Variants in B3GAT2 observed in about 807,000 individuals in gnomAD.
B3GAT2 encodes beta-1,3-glucuronyltransferase 2, also known as galactosylgalactosylxylosylprotein 3-beta-glucuronosyltransferase 2.
B3GAT2 carries 26 observed loss-of-function variants against 27.8 expected under a neutral mutation model. The ratio of observed to expected loss-of-function variants is 0.93; its 90% CI spans 0.68 to 1.30. The LOEUF (loss-of-function observed/expected upper bound fraction) is 1.30. B3GAT2 is among the 50% of genes most tolerant of loss of function. The pLI is 0.00. For synonymous variants in B3GAT2, 218 were observed against 195.1 expected (o/e 1.12, Z -0.98); for missense variants, 458 against 459.0 (o/e 1.00, Z 0.02).
In B3GAT2 at chr6:70,956,420, C is replaced by T. The variant is rs1002214080; in HGVS notation, c.10G>A (p.Ala4Thr). 3.2e-6 allele frequency: 5 copies of T among 1,551,290 alleles called. No individual in the cohort carries two copies. Among genetic ancestry groups the T allele is most frequent in the Admixed American group, 2.0e-5 (1 of 50,992 alleles). ...AGGATAAAGAAGCGGGTGAAAAGCG[C>T]GGACTTCATGGTGCACGCTCCCTGG... is the stretch of plus-strand genomic sequence containing the variant. MKS[A>T]LFTRFFILLP... The change falls in exon 1 of 4, where the codon GCG (alanine) becomes ACG (threonine). Residue 4 changes from alanine to threonine, a missense_variant. Physicochemically the swap from Ala to Thr is moderately conservative, Grantham distance 58 (BLOSUM62 0). Coordinates refer to ENST00000230053, the MANE Select transcript of B3GAT2 (RefSeq NM_080742.3).
chr6:70,952,419 T>A (rs1473671523), intron 1 of B3GAT2, among the ~76,000 whole-genome samples: 1 of 152,226 alleles, frequency 6.6e-6, no homozygotes, highest in African/African-American at 2.4e-5. Flanking sequence ...CTGAAAAGCA[T>A]CTGTTTTAAA....
chr6:70,870,648 A>C (rs551226309), intron 2 of B3GAT2, among the ~76,000 whole-genome samples: 12 of 152,274 alleles, frequency 7.9e-5, no homozygotes, highest in African/African-American at 2.9e-4. Context: ...ACAAACAAAC[A>C]AACAAAAAAA....
chr6:70,936,437 C>A (rs1466238651), intron 1 of B3GAT2, among the ~76,000 whole-genome samples: 1 of 152,048 alleles, frequency 6.6e-6, no homozygotes, highest in Non-Finnish European at 1.5e-5. Context: ...CACCCCAAAT[C>A]AACAGAAAAT....
At chr6:70,902,637 T>TATATATAC (rs1491331231) in intron 1 of B3GAT2, among the ~76,000 whole-genome samples, 109 of 133,458 alleles carry the variant, frequency 8.2e-4, no homozygotes, top group Middle Eastern at 3.8e-3. Context: ...TATATATATA[T>TATATATAC]ACACACACAC....
In B3GAT2 at chr6:70,857,034, A is replaced by G; in HGVS notation, c.*4629T>C. ...ATTCAACAGCAAAGTACTCCTGGTAATGAATTTTGATATCTGCTTTCAGTG... is the reference window on the plus strand; with the variant it reads ...ATTCAACAGCAAAGTACTCCTGGTAGTGAATTTTGATATCTGCTTTCAGTG... On this transcript the variant is annotated 3_prime_UTR_variant, in exon 4 of 4. Transcript: ENST00000230053. 1 of 1,595,442 alleles carries G rather than the reference A, an allele frequency of 6.3e-7. No homozygotes were observed.
At chr6:70,936,064 C>T (rs1015941619) in intron 1 of B3GAT2, among the ~76,000 whole-genome samples, 5 of 151,256 alleles carry the variant, frequency 3.3e-5, no homozygotes, top group Non-Finnish European at 7.4e-5. Context: ...GAAGATCTAC[C>T]AAGCAAATGG....
chr6:70,888,219 A>G (rs1248137915), intron 2 of B3GAT2, among the ~76,000 whole-genome samples: 1 of 145,270 alleles, frequency 6.9e-6, no homozygotes, highest in Non-Finnish European at 1.5e-5. Context: ...CAGTCAGGTG[A>G]TGTGATTTTT....
intron 1 of B3GAT2, among the ~76,000 whole-genome samples, chr6:70,927,180 T>C (rs1392870150): frequency 6.6e-6 from 1 of 152,118 alleles, no homozygotes; most frequent in Non-Finnish European, 1.5e-5. Context: ...AAGGAAGAAC[T>C]AAACATGGAA....
intron 1 of B3GAT2, among the ~76,000 whole-genome samples, chr6:70,905,885 CTG>C (rs36123503): frequency 0.71 from 106,470 of 150,656 alleles, 37,684 homozygotes; most frequent in Middle Eastern, 0.76. Context: ...TCTCCTGGCA[CTG>C]TGTGTGTGTG....
At chr6:70,869,670 T>C (rs954462302) in intron 2 of B3GAT2, among the ~76,000 whole-genome samples, 1 of 152,240 alleles carries the variant, frequency 6.6e-6, no homozygotes, top group Admixed American at 6.5e-5. Flanking sequence ...GTGAATGAAA[T>C]TTTCTTAGTT....
chr6:70,942,286 C>T (rs1324050803), intron 1 of B3GAT2, among the ~76,000 whole-genome samples: 1 of 152,190 alleles, frequency 6.6e-6, no homozygotes, highest in Non-Finnish European at 1.5e-5. Flanking sequence ...TACAGGACAG[C>T]TTCTCTCAAA....
intron 1 of B3GAT2, among the ~76,000 whole-genome samples, chr6:70,905,101 T>C (rs1213489036): frequency 6.6e-6 from 1 of 152,016 alleles, no homozygotes; most frequent in Non-Finnish European, 1.5e-5. Context: ...TGTGAACTTA[T>C]CATAGCCAAA....
rs372158787 is a variant in B3GAT2, at chr6:70,956,155, G to C, written c.275C>G (p.Pro92Arg). 8 of 1,607,396 alleles carry C rather than the reference G, an allele frequency of 5.0e-6. No individual in the cohort carries two copies. The East Asian group carries it at 8.9e-5, about 18-fold the overall frequency. ...IYAITPTYSR[P>R]VQKAELTRLA... ...GCGGGTCAGCTCCGCTTTCTGCACC[G>C]GGCGGCTGTAGGTGGGCGTGATGGC... The change falls in exon 1 of 4, where the codon CCG becomes CGG. Residue 92 changes from proline to arginine, a missense_variant. By Grantham distance (103) the Pro-to-Arg change is moderately radical. Transcript: ENST00000230053.
intron 1 of B3GAT2, among the ~76,000 whole-genome samples, chr6:70,928,251 AC>A (rs1290441387): frequency 3.3e-5 from 5 of 152,152 alleles, no homozygotes; most frequent in Non-Finnish European, 5.9e-5. Flanking sequence ...GAAAATCGAC[AC>A]CCTAACATCA....
rs557044580 is a variant in B3GAT2 at position 70,935,155 on chromosome 6, T to C, written c.591+20684A>G. Among the ~76,000 whole-genome samples, 149 of 151,920 alleles carry C rather than the reference T, an allele frequency of 9.8e-4. 1 individual carries two copies. Among genetic ancestry groups the C allele is most frequent in the African/African-American group, 3.4e-3 (142 of 41,446 alleles). On this transcript the variant is annotated intron_variant, in intron 1 of 3. Coordinates refer to ENST00000230053, the MANE Select transcript of B3GAT2 (RefSeq NM_080742.3). ...AAAAAAAAAAGAGCAATATAAAATATCCAAACGTGGCCAGGTGTGGTGGCT... is the reference window on the plus strand; with the variant it reads ...AAAAAAAAAAGAGCAATATAAAATACCCAAACGTGGCCAGGTGTGGTGGCT...
At chr6:70,940,824 A>G (rs1264205496) in intron 1 of B3GAT2, among the ~76,000 whole-genome samples, 1 of 152,140 alleles carries the variant, frequency 6.6e-6, no homozygotes, top group Admixed American at 6.6e-5. Flanking sequence ...GCTACTCAGG[A>G]GGCTGAAGCA....
At chr6:70,945,218 A>G (rs1765459798) in intron 1 of B3GAT2, among the ~76,000 whole-genome samples, 1 of 152,208 alleles carries the variant, frequency 6.6e-6, no homozygotes, top group South Asian at 2.1e-4. Context: ...ACAAAGCTGG[A>G]CAGAGAATGA....
At position 70,856,758 on chromosome 6, in the gene B3GAT2, T is replaced by C; in HGVS notation, c.*4905A>G. 8.1e-7 allele frequency: 1 copy of C among 1,232,296 alleles called. No homozygotes were observed. Among genetic ancestry groups the C allele is most frequent in the Non-Finnish European group, 1.1e-6 (1 of 904,680 alleles). The allele number at this position is 1,232,296 out of a possible 1,614,324, so 76.3% of individuals were successfully genotyped here. A position where few individuals can be genotyped will look rare whatever the true frequency, so the allele number is the denominator to read the frequency against. On this transcript the variant is annotated 3_prime_UTR_variant, in exon 4 of 4. Transcript: ENST00000230053. Reference sequence around the variant, plus strand: ...CACCATTTTACCTTCTACAATTGTTTGATTCCTATCTAATTTTATAACTTT... The same window carrying C: ...CACCATTTTACCTTCTACAATTGTTCGATTCCTATCTAATTTTATAACTTT...
At chr6:70,949,746 C>G (rs1197232193) in intron 1 of B3GAT2, among the ~76,000 whole-genome samples, 2 of 151,784 alleles carry the variant, frequency 1.3e-5, no homozygotes, top group Non-Finnish European at 2.9e-5. Context: ...TATAAAGACA[C>G]ATGCACATGT....
Sources: allele counts gnomAD v4.1 joint callset (sites outside exome capture counted in the v4.1 genomes callset), GRCh38; gene constraint gnomAD v4.1.1; transcripts MANE v1.5; gene names NCBI Gene and HGNC (gene_info 2026-07-23, HGNC 2026-07-21).